The following NUP214 variants were observed in gnomAD, a reference collection of about 807,000 sequenced individuals.
The protein encoded by NUP214 is nuclear pore complex protein Nup214.
A neutral mutation model predicts 196.2 loss-of-function variants in NUP214; 79 were observed. The observed-to-expected ratio is 0.40, with a 90% CI of 0.34 to 0.49. The LOEUF (loss-of-function observed/expected upper bound fraction) is 0.49. NUP214 is among the 20% of genes least tolerant of loss of function. The pLI is 0.58. For synonymous variants in NUP214, 1,020 were observed against 990.5 expected (o/e 1.03, Z -0.56); for missense variants, 2,468 against 2,539.0 (o/e 0.97, Z 0.60).
rs771913112 is a variant in NUP214, at chr9:131,132,605, G to GA, written c.681dup (p.Val228SerfsTer9). On this transcript the variant is annotated frameshift_variant, in exon 6 of 36. Coordinates refer to ENST00000359428, the MANE Select transcript of NUP214 (RefSeq NM_005085.4). LOFTEE classifies it high-confidence loss of function. The stretch of plus-strand genomic sequence containing the variant: ...TCCAAATCTCTTTCAGACTTTGCAG[G>GA]AAAAAAAAGTCATTCCTTGTCCTCC... 1.9e-6 allele frequency: 3 copies of GA among 1,612,542 alleles called. No homozygotes were observed. Among genetic ancestry groups the GA allele is most frequent in the Non-Finnish European group, 2.5e-6 (3 of 1,179,212 alleles).
At chr9:131,209,375 CTG>C (rs1005582780) in intron 30 of NUP214, among the ~76,000 whole-genome samples, 2 of 152,144 alleles carry the variant, frequency 1.3e-5, no homozygotes, top group Admixed American at 1.3e-4. Context: ...AGTGAGAACC[CTG>C]TCTCAGTCAG....
At chr9:131,201,583 A>ACTT in intron 29 of NUP214, 64 bp from the exon 30 acceptor site, 3 of 1,348,176 alleles carry the variant, frequency 2.2e-6, no homozygotes, top group Non-Finnish European at 3.2e-6. Flanking sequence ...AAACAACAAA[A>ACTT]CTTTAATGTT....
intron 23 of NUP214, among the ~76,000 whole-genome samples, chr9:131,177,903 C>A (rs1280997972): frequency 6.6e-6 from 1 of 152,120 alleles, no homozygotes; most frequent in Non-Finnish European, 1.5e-5. Flanking sequence ...TAACACAGAG[C>A]CTGGCACATA....
chr9:131,170,705 G>T (rs954678666), intron 21 of NUP214, among the ~76,000 whole-genome samples: 7 of 152,006 alleles, frequency 4.6e-5, no homozygotes, highest in Non-Finnish European at 8.8e-5. Context: ...CACGTCTGTA[G>T]CTGTTTCTTG....
At chr9:131,128,538 G>A in intron 3 of NUP214, 55 bp downstream of exon 3, 1 of 1,462,570 alleles carries the variant, frequency 6.8e-7, no homozygotes, top group Non-Finnish European at 9.2e-7. Flanking sequence ...AGATTTCCTT[G>A]TATTGAATTA....
intron 17 of NUP214, among the ~76,000 whole-genome samples, chr9:131,156,604 G>T (rs1369313414): frequency 2.0e-5 from 3 of 151,032 alleles, no homozygotes; most frequent in Non-Finnish European, 1.5e-5. Flanking sequence ...TATAAAAGGG[G>T]TTGTTGTTTA....
At chr9:131,139,252 C>CTT in intron 9 of NUP214, 29 bp from the exon 10 acceptor site, 2 of 1,235,922 alleles carry the variant, frequency 1.6e-6, no homozygotes, top group Non-Finnish European at 2.1e-6. Flanking sequence ...TCTTCTTCTT[C>CTT]TTCTTTTTTT....
chr9:131,160,976 G>A (rs1832614087), intron 18 of NUP214, among the ~76,000 whole-genome samples: 1 of 152,286 alleles, frequency 6.6e-6, no homozygotes, highest in South Asian at 2.1e-4. Flanking sequence ...TTCCCACAAG[G>A]GAAACAATGG....
At chr9:131,140,849 CT>C in intron 11 of NUP214, 139 bp downstream of exon 11, 36 of 767,724 alleles carry the variant, frequency 4.7e-5, no homozygotes, top group South Asian at 1.1e-4. Context: ...ACACACTAAT[CT>C]TTTTTTTAAA....
chr9:131,174,447 C>CTTTTTTTTTT (rs1299530269), intron 22 of NUP214, 129 bp downstream of exon 22: 6 of 350,278 alleles, frequency 1.7e-5, no homozygotes, highest in Admixed American at 8.0e-5. Context: ...TTTTTTTTTT[C>CTTTTTTTTTT]TTTTTTTCTT....
intron 24 of NUP214, chr9:131,187,074 A>G (rs1833468932): frequency 1.9e-6 from 1 of 534,062 alleles, no homozygotes; most frequent in Admixed American, 3.1e-5. Flanking sequence ...AATAAGTTAT[A>G]AGGCCACTGC....
chr9:131,143,337 C>T (rs936562935), intron 11 of NUP214, among the ~76,000 whole-genome samples: 3 of 151,912 alleles, frequency 2.0e-5, no homozygotes, highest in African/African-American at 7.3e-5. Context: ...TTCTTTTTAA[C>T]CATTTGGATT....
intron 28 of NUP214, among the ~76,000 whole-genome samples, chr9:131,196,609 G>C (rs1276389956): frequency 1.3e-5 from 2 of 152,198 alleles, no homozygotes; most frequent in African/African-American, 2.4e-5. Context: ...GGCTCAGAGA[G>C]GTAAAGCAAC....
At chr9:131,151,209 C>T (rs1832251354) in intron 16 of NUP214, among the ~76,000 whole-genome samples, 1 of 152,218 alleles carries the variant, frequency 6.6e-6, no homozygotes, top group East Asian at 1.9e-4. Flanking sequence ...ATTATTACTA[C>T]TTACTGTGTG....
chr9:131,195,421 T>A (rs1457320188), intron 28 of NUP214, 127 bp downstream of exon 28: 1 of 712,120 alleles, frequency 1.4e-6, no homozygotes, highest in Non-Finnish European at 2.5e-6. Flanking sequence ...ATAAGCTCAG[T>A]GTTGATAATG....
intron 27 of NUP214, chr9:131,194,235 C>T (rs1833711398): frequency 6.8e-6 from 1 of 148,026 alleles, no homozygotes; most frequent in African/African-American, 2.5e-5. Context: ...GTGGTACAGT[C>T]ATGGCTCACT....
At chr9:131,233,429 A>T in intron 35 of NUP214, 25 bp from the exon 36 acceptor site, 1 of 1,592,358 alleles carries the variant, frequency 6.3e-7, no homozygotes, top group Non-Finnish European at 8.6e-7. Context: ...AGCTGACTCC[A>T]CCACTGTCCT....
chr9:131,223,935 C>T (rs1332575630), intron 32 of NUP214, among the ~76,000 whole-genome samples: 3 of 150,074 alleles, frequency 2.0e-5, no homozygotes, highest in Admixed American at 6.7e-5. Flanking sequence ...GGGGTTTCAC[C>T]GTGTTAGCCA....
In NUP214 at chr9:131,144,417, GCC is replaced by G; in HGVS notation, c.1436_1437del (p.Pro479HisfsTer48). Reference sequence around the variant, plus strand: ...TTTTTCTTTGCTTCCTGCTGGTGGAGCCCCCACTGTGTTCTCCTTTGGTTCTT... The same window carrying G: ...TTTTTCTTTGCTTCCTGCTGGTGGAGCCCACTGTGTTCTCCTTTGGTTCTT... ...ATFSLLPAGGAPTVFSFGSSS... is the reference protein window; with the variant it reads ...ATFSLLPAGGXPTVFSFGSSS... On this transcript the variant is annotated frameshift_variant, in exon 12 of 36. Transcript: ENST00000359428. LOFTEE classifies it high-confidence loss of function. 1 of 1,614,072 alleles carries G rather than the reference GCC, an allele frequency of 6.2e-7. No individual in the cohort carries two copies. The highest frequency in any genetic ancestry group is 8.5e-7 in the Non-Finnish European group (1 of 1,180,002).
Sources: allele counts gnomAD v4.1 joint callset (sites outside exome capture counted in the v4.1 genomes callset), GRCh38; gene constraint gnomAD v4.1.1; transcripts MANE v1.5; gene names NCBI Gene and HGNC (gene_info 2026-07-23, HGNC 2026-07-21).